Variants in BCL11A observed in about 807,000 individuals in gnomAD.
The protein encoded by BCL11A is B cell CLL/lymphoma 11A.
A neutral mutation model predicts 55.9 loss-of-function variants in BCL11A; 2 were observed. The observed-to-expected ratio is 0.04, with a 90% CI of 0.01 to 0.11. The LOEUF is 0.11. BCL11A is among the 10% of genes least tolerant of loss of function. BCL11A has a pLI of 1.00. For synonymous variants in BCL11A, 465 were observed against 473.4 expected (o/e 0.98, Z 0.23); for missense variants, 817 against 1,137.1 (o/e 0.72, Z 4.05).
chr2:60,477,600 T>TG (rs1553407506), intron 2 of BCL11A, among the ~76,000 whole-genome samples: 65 of 150,666 alleles, frequency 4.3e-4, no homozygotes, highest in Admixed American at 1.7e-3. Context: ...TAGAGTAAAA[T>TG]AAATAAAGAA....
chr2:60,500,928 T>C (rs1679243750), intron 2 of BCL11A, among the ~76,000 whole-genome samples: 1 of 152,156 alleles, frequency 6.6e-6, no homozygotes, highest in Non-Finnish European at 1.5e-5. Flanking sequence ...TGGAACTAGT[T>C]AAAAGAGTGT....
At chr2:60,541,270 TCAC>T (rs1669915307) in intron 2 of BCL11A, among the ~76,000 whole-genome samples, 1 of 152,244 alleles carries the variant, frequency 6.6e-6, no homozygotes, top group African/African-American at 2.4e-5. Flanking sequence ...CTTTTCTGTG[TCAC>T]CACAAGGGTA....
intron 2 of BCL11A, chr2:60,535,231 A>G (rs1669616286): frequency 6.6e-6 from 1 of 152,260 alleles, no homozygotes; most frequent in South Asian, 2.1e-4. Context: ...TTAGCAAATT[A>G]TCAGTAAGAT....
At chr2:60,543,475 G>A (rs933565248) in intron 2 of BCL11A, 1 of 152,190 alleles carries the variant, frequency 6.6e-6, no homozygotes, top group Non-Finnish European at 1.5e-5. Context: ...TTGTGCAGAC[G>A]TGCTTTAGAG....
downstream of BCL11A, chr2:60,452,314 C>G: frequency 2.7e-6 from 1 of 375,102 alleles, no homozygotes; most frequent in African/African-American, 2.0e-5. Flanking sequence ...CTCATGACAG[C>G]GATGGTCCAC....
chr2:60,550,289 C>G (rs374236579), intron 1 of BCL11A, among the ~76,000 whole-genome samples: 8 of 152,342 alleles, frequency 5.3e-5, no homozygotes, highest in South Asian at 4.1e-4. Context: ...GGCCGCGCGC[C>G]CGGTCGCTTC....
At chr2:60,473,364 A>C in intron 2 of BCL11A, among the ~76,000 whole-genome samples, 1 of 151,936 alleles carries the variant, frequency 6.6e-6, no homozygotes, top group East Asian at 1.9e-4. Flanking sequence ...AGAATGGATG[A>C]CACTATGATG....
intron 2 of BCL11A, among the ~76,000 whole-genome samples, chr2:60,470,723 C>G (rs1181216595): frequency 6.6e-6 from 1 of 152,226 alleles, no homozygotes; most frequent in African/African-American, 2.4e-5. Context: ...AAGCTGACGG[C>G]AGGACCAGAT....
chr2:60,462,624 A>G (rs914345528), intron 3 of BCL11A, among the ~76,000 whole-genome samples, 200 bp from the exon 4 acceptor site: 20 of 151,790 alleles, frequency 1.3e-4, no homozygotes, highest in African/African-American at 4.6e-4. Flanking sequence ...TCTTCCTGCC[A>G]TTAAACTCAG....
At chr2:60,482,811 C>A (rs1171669317) in intron 2 of BCL11A, among the ~76,000 whole-genome samples, 1 of 152,202 alleles carries the variant, frequency 6.6e-6, no homozygotes, top group Non-Finnish European at 1.5e-5. Flanking sequence ...CAGTGCCTTG[C>A]TTTCTAGAAT....
chr2:60,498,311 C>T (rs1679069346), intron 2 of BCL11A, among the ~76,000 whole-genome samples: 1 of 151,894 alleles, frequency 6.6e-6, no homozygotes, highest in South Asian at 2.1e-4. Context: ...TGGGCACAGC[C>T]TTGGGGACCG....
intron 2 of BCL11A, among the ~76,000 whole-genome samples, chr2:60,489,466 T>C (rs528362450): frequency 5.4e-4 from 82 of 152,326 alleles, no homozygotes; most frequent in African/African-American, 1.4e-3. Context: ...CTGCGTGCCA[T>C]TAAAATAGCT....
downstream of BCL11A, chr2:60,452,743 T>C (rs954797218): frequency 7.7e-6 from 9 of 1,174,710 alleles, no homozygotes; most frequent in Non-Finnish European, 1.1e-5. Context: ...TTCTGTTCTC[T>C]AACTAGCTTT....
exon 5 of BCL11A, chr2:60,451,722 C>T (rs548539190): frequency 1.7e-4 from 39 of 229,910 alleles, no homozygotes; most frequent in South Asian, 3.7e-4. Context: ...TAGGATTTAC[C>T]GCTCGCCCAG....
chr2:60,501,431 T>C (rs974169791), intron 2 of BCL11A, among the ~76,000 whole-genome samples: 13 of 152,048 alleles, frequency 8.5e-5, no homozygotes, highest in Admixed American at 3.9e-4. Flanking sequence ...CTTTACCTGG[T>C]TTGTAAGTTC....
chr2:60,513,305 A>C (rs1445406634), intron 2 of BCL11A, among the ~76,000 whole-genome samples: 1 of 152,158 alleles, frequency 6.6e-6, no homozygotes, highest in Non-Finnish European at 1.5e-5. Context: ...TGAGACAAGG[A>C]GGGGACAAGG....
intron 2 of BCL11A, chr2:60,541,828 A>G (rs1048053936): frequency 7.9e-6 from 5 of 630,110 alleles, no homozygotes. Flanking sequence ...AATAAAGAGA[A>G]AAGAAAAATA....
intron 2 of BCL11A, chr2:60,545,736 G>A (rs1437176701): frequency 7.8e-6 from 4 of 515,698 alleles, no homozygotes; most frequent in Non-Finnish European, 1.4e-5. Flanking sequence ...GAGAGAAGGT[G>A]TCTGATGTGT....
chr2:60,529,611 G>A (rs748568383), intron 2 of BCL11A, among the ~76,000 whole-genome samples: 3 of 152,134 alleles, frequency 2.0e-5, no homozygotes, highest in Admixed American at 6.5e-5. Context: ...CTGAGTTGGC[G>A]GGCGGGAGCG....
Sources: allele counts gnomAD v4.1 joint callset (sites outside exome capture counted in the v4.1 genomes callset), GRCh38; gene constraint gnomAD v4.1.1; transcripts MANE v1.5; gene names NCBI Gene and HGNC (gene_info 2026-07-23, HGNC 2026-07-21).